The following CTNND2 variants were observed in gnomAD, a reference collection of about 807,000 sequenced individuals.
CTNND2 encodes catenin delta-2.
In CTNND2, 22 loss-of-function variants were observed where a neutral mutation model predicts 144.4. The observed-to-expected ratio is 0.15, with a 90% CI of 0.11 to 0.22. The LOEUF (loss-of-function observed/expected upper bound fraction) is 0.22. Ranked by LOEUF, CTNND2 falls within the 10% of genes least tolerant of loss-of-function variation. The probability of loss-of-function intolerance (pLI) is 1.00; values close to 1 mark genes in which losing one functional copy is unlikely to be tolerated. For missense variants in CTNND2, 1,353 were observed against 1,618.8 expected, an observed-to-expected ratio of 0.84 and a Z score of 2.82; for synonymous variants, 751 against 695.6, an observed-to-expected ratio of 1.08 and a Z score of -1.25.
At chr5:11,833,819 C>T (rs967579648) in intron 1 of CTNND2, among the ~76,000 whole-genome samples, 1 of 152,088 alleles carries the variant, frequency 6.6e-6, no homozygotes, top group Non-Finnish European at 1.5e-5. Context: ...CCACCGTGCC[C>T]GACTGGAACT....
At chr5:11,641,002 C>G (rs559349749) in intron 2 of CTNND2, among the ~76,000 whole-genome samples, 1 of 152,130 alleles carries the variant, frequency 6.6e-6, no homozygotes, top group Admixed American at 6.5e-5. Flanking sequence ...GTTAATAAAA[C>G]CCAAAATAAA....
At position 11,384,846 on chromosome 5, in the gene CTNND2, G is replaced by C. The variant is rs1250061855; in HGVS notation, c.996C>G (p.Thr332=). ...SSAGLSPIRV[T]SPPTVQSTIS... ...TGGTGGACTGCACGGTGGGGGGCGA[G>C]GTCACGCGGATCGGGGACAGGCCGG... The change falls in exon 7 of 22, where the codon ACC becomes ACG. Residue 332 remains threonine (T), a synonymous_variant. Transcript: ENST00000304623. The surrounding 1 kb of genome is among the most constrained non-coding windows in gnomAD (Gnocchi z 5.2). 6.2e-7 allele frequency: 1 copy of C among 1,612,954 alleles called. No individual in the cohort carries two copies. Among genetic ancestry groups the C allele is most frequent in the Middle Eastern group, 1.7e-4 (1 of 5,942 alleles).
chr5:11,896,778 G>A (rs1329572768), intron 1 of CTNND2, among the ~76,000 whole-genome samples: 1 of 152,006 alleles, frequency 6.6e-6, no homozygotes, highest in African/African-American at 2.4e-5. Context: ...ATTCAATATA[G>A]TTATTTGCCT....
chr5:11,355,679 C>T (rs759946930), intron 8 of CTNND2, among the ~76,000 whole-genome samples: 26 of 152,020 alleles, frequency 1.7e-4, no homozygotes, highest in Admixed American at 3.3e-4. Context: ...AAGTCCTAGT[C>T]AGAGTGATTA....
chr5:11,554,164 T>TTGC (rs1776014587), intron 3 of CTNND2, among the ~76,000 whole-genome samples: 1 of 152,190 alleles, frequency 6.6e-6, no homozygotes, highest in African/African-American at 2.4e-5. Context: ...CAAGAATTAA[T>TTGC]ATGAAGGTAA....
chr5:11,613,096 T>C (rs1780413328), intron 2 of CTNND2, among the ~76,000 whole-genome samples: 1 of 152,204 alleles, frequency 6.6e-6, no homozygotes, highest in Non-Finnish European at 1.5e-5. Context: ...ACATGGGCAA[T>C]ACAAAACAGC....
chr5:11,225,633 A>G (rs1188318857), intron 10 of CTNND2, among the ~76,000 whole-genome samples: 1 of 152,156 alleles, frequency 6.6e-6, no homozygotes, highest in African/African-American at 2.4e-5. Flanking sequence ...CTCCTCTGAT[A>G]TTAATAATAA....
At chr5:11,813,546 T>C (rs2126914515) in intron 1 of CTNND2, among the ~76,000 whole-genome samples, 1 of 152,348 alleles carries the variant, frequency 6.6e-6, no homozygotes, top group Non-Finnish European at 1.5e-5. Flanking sequence ...CAAGCTGAAA[T>C]GCATATCCAA....
At chr5:11,577,112 G>A (rs1778031130) in intron 2 of CTNND2, among the ~76,000 whole-genome samples, 1 of 152,082 alleles carries the variant, frequency 6.6e-6, no homozygotes, top group South Asian at 2.1e-4. Context: ...AATTATTTTT[G>A]ACTTATTATT....
intron 1 of CTNND2, among the ~76,000 whole-genome samples, chr5:11,830,588 G>C (rs1177359761): frequency 6.6e-6 from 1 of 152,162 alleles, no homozygotes; most frequent in African/African-American, 2.4e-5. Context: ...GGAACTGTAA[G>C]TCCATTAAAC....
chr5:11,249,665 C>T (rs1251674828), intron 9 of CTNND2, among the ~76,000 whole-genome samples: 1 of 151,932 alleles, frequency 6.6e-6, no homozygotes, highest in Admixed American at 6.6e-5. Flanking sequence ...TTTGACACTT[C>T]AGTATAATTT....
At chr5:11,677,241 G>T (rs1054162759) in intron 2 of CTNND2, among the ~76,000 whole-genome samples, 1 of 152,210 alleles carries the variant, frequency 6.6e-6, no homozygotes, top group Non-Finnish European at 1.5e-5. Context: ...ATAAGATCAT[G>T]TTCATATAAG....
chr5:11,430,968 T>A (rs1391366576), intron 3 of CTNND2, among the ~76,000 whole-genome samples: 1 of 152,174 alleles, frequency 6.6e-6, no homozygotes, highest in Non-Finnish European at 1.5e-5. Flanking sequence ...ATTGAGCAGT[T>A]TAATGTGTCT....
intron 18 of CTNND2, among the ~76,000 whole-genome samples, chr5:11,009,262 C>T (rs1580019808): frequency 1.3e-5 from 2 of 152,160 alleles, no homozygotes; most frequent in Non-Finnish European, 2.9e-5. Flanking sequence ...CAGACATCTC[C>T]CATGGGCAGA....
At chr5:11,275,394 C>G (rs1230433223) in intron 9 of CTNND2, among the ~76,000 whole-genome samples, 1 of 152,234 alleles carries the variant, frequency 6.6e-6, no homozygotes, top group African/African-American at 2.4e-5. Context: ...TTTGCTCCAA[C>G]TGTCCTGATA....
At chr5:11,712,126 G>C (rs1045142114) in intron 2 of CTNND2, among the ~76,000 whole-genome samples, 3 of 152,162 alleles carry the variant, frequency 2.0e-5, no homozygotes, top group African/African-American at 7.2e-5. Flanking sequence ...ATAAGGTCAA[G>C]TCAAACAATG....
intron 18 of CTNND2, among the ~76,000 whole-genome samples, chr5:11,014,456 C>T (rs764589882): frequency 2.6e-5 from 4 of 152,148 alleles, no homozygotes; most frequent in African/African-American, 4.8e-5. Flanking sequence ...GTTCTATTTG[C>T]GGTTATCTAA....
At chr5:11,180,517 C>A (rs1760896120) in intron 11 of CTNND2, among the ~76,000 whole-genome samples, 1 of 152,144 alleles carries the variant, frequency 6.6e-6, no homozygotes, top group Non-Finnish European at 1.5e-5. Context: ...AAGTTTCACA[C>A]ACTGAAAGCA....
intron 1 of CTNND2, among the ~76,000 whole-genome samples, chr5:11,839,784 T>TAGAGAGAGAG (rs113307076): frequency 8.2e-4 from 119 of 145,834 alleles, no homozygotes; most frequent in African/African-American, 2.7e-3. Context: ...TAGACATAGG[T>TAGAGAGAGAG]AGAGAGAGAG....
Sources: gnomAD v4.1 joint callset for allele counts (sites outside exome capture counted in the v4.1 genomes callset) on GRCh38, gnomAD v4.1.1 for gene constraint, Gnocchi (gnomAD v3.1) non-coding constraint, MANE v1.5 for transcripts, NCBI Gene and HGNC (gene_info 2026-07-23, HGNC 2026-07-21) for gene names.